ARHGAP44: variants seen among roughly 807,000 people sequenced by gnomAD.
ARHGAP44 encodes Rho GTPase activating protein 44.
In ARHGAP44, 43 loss-of-function variants were observed where a neutral mutation model predicts 106.8. That is an observed-to-expected ratio of 0.40 (90% CI 0.32 to 0.52). ARHGAP44 has a LOEUF of 0.52. ARHGAP44 is among the 20% of genes least tolerant of loss of function. ARHGAP44 has a pLI of 0.48. For synonymous variants in ARHGAP44, 439 were observed against 410.3 expected (o/e 1.07, Z -0.85); for missense variants, 866 against 1,050.5 (o/e 0.82, Z 2.43).
intron 3 of ARHGAP44, among the ~76,000 whole-genome samples, chr17:12,897,789 G>A (rs960724340): frequency 1.4e-5 from 2 of 147,016 alleles, no homozygotes; most frequent in Admixed American, 7.1e-5. Flanking sequence ...TTTTGGTATC[G>A]GGAGTATCAT....
intron 7 of ARHGAP44, among the ~76,000 whole-genome samples, chr17:12,937,681 G>C (rs1365004476): frequency 6.6e-6 from 1 of 152,160 alleles, no homozygotes; most frequent in East Asian, 1.9e-4. Flanking sequence ...AAAGCCCCCT[G>C]CGTGCTGGAC....
At chr17:12,814,009 G>A (rs1467834845) in intron 1 of ARHGAP44, among the ~76,000 whole-genome samples, 3 of 152,138 alleles carry the variant, frequency 2.0e-5, no homozygotes, top group Admixed American at 1.3e-4. Flanking sequence ...CCTTTCCTTC[G>A]GGGTTATCGA....
At chr17:12,801,078 A>G (rs1378724058) in intron 1 of ARHGAP44, among the ~76,000 whole-genome samples, 1 of 152,248 alleles carries the variant, frequency 6.6e-6, no homozygotes, top group African/African-American at 2.4e-5. Context: ...AGAAAAGGTA[A>G]GAGAAAGTTC....
In ARHGAP44 at chr17:12,949,682, A is replaced by C. The variant is rs1032347503; in HGVS notation, c.1007A>C (p.Glu336Ala). The part of the protein sequence containing the change: ...ALKSYLRELP[E>A]PLMTFELYDE... ...AAATCTTACCTCCGAGAGTTGCCAG[A>C]ACCTCTTATGACCTTTGAACTCTAT... Residue 336 changes from glutamate (E) to alanine (A), a missense_variant, in exon 12 of 21, where the codon GAA (glutamate) becomes GCA (alanine). Coordinates refer to ENST00000379672, the MANE Select transcript of ARHGAP44 (RefSeq NM_014859.6). The surrounding 1 kb of genome is among the most constrained non-coding windows in gnomAD (Gnocchi z 4.1). 3.7e-6 allele frequency: 6 copies of C among 1,613,656 alleles called. No individual in the cohort carries two copies. Among genetic ancestry groups the C allele is most frequent in the Admixed American group, 3.3e-5 (2 of 59,982 alleles).
chr17:12,841,639 C>CACACACA (rs1555546108), intron 1 of ARHGAP44, among the ~76,000 whole-genome samples: 3 of 137,398 alleles, frequency 2.2e-5, no homozygotes, highest in Admixed American at 7.1e-5. Flanking sequence ...CACACACACA[C>CACACACA]AAACAAACAA....
intron 1 of ARHGAP44, among the ~76,000 whole-genome samples, chr17:12,878,243 C>T (rs897908377): frequency 8.6e-5 from 13 of 150,564 alleles, no homozygotes; most frequent in African/African-American, 2.7e-4. Flanking sequence ...TTTTTCAGAG[C>T]GTCTTATGAA....
At chr17:12,854,002 A>G (rs1325632210) in intron 1 of ARHGAP44, among the ~76,000 whole-genome samples, 1 of 151,968 alleles carries the variant, frequency 6.6e-6, no homozygotes, top group Non-Finnish European at 1.5e-5. Flanking sequence ...ATTCCTTCTC[A>G]GCTGTAGCAG....
At chr17:12,802,927 T>TTA (rs1159214788) in intron 1 of ARHGAP44, among the ~76,000 whole-genome samples, 212 of 29,224 alleles carry the variant, frequency 7.3e-3, no homozygotes, top group Non-Finnish European at 9.6e-3. Context: ...CCTGGCTAAT[T>TTA]TATATATATA....
chr17:12,809,795 T>C (rs1010328881), intron 1 of ARHGAP44, among the ~76,000 whole-genome samples: 2 of 152,134 alleles, frequency 1.3e-5, no homozygotes, highest in African/African-American at 4.8e-5. Context: ...AAAGGAGCCA[T>C]GGAAGGGTTT....
chr17:12,847,512 C>CTT (rs58514182), intron 1 of ARHGAP44, among the ~76,000 whole-genome samples: 13,154 of 125,168 alleles, frequency 0.11, 1,310 homozygotes, highest in African/African-American at 0.21. Context: ...TACCATCACT[C>CTT]TTTTTTTTTT....
chr17:12,918,839 G>A (rs989454568), intron 5 of ARHGAP44, among the ~76,000 whole-genome samples: 3 of 152,018 alleles, frequency 2.0e-5, no homozygotes, highest in East Asian at 1.9e-4. Flanking sequence ...TTGGCAGGGC[G>A]GGAGTTGGGG....
chr17:12,882,339 A>C (rs774251444), intron 1 of ARHGAP44, among the ~76,000 whole-genome samples: 6 of 152,002 alleles, frequency 3.9e-5, no homozygotes, highest in Non-Finnish European at 8.8e-5. Flanking sequence ...CTCAAGTTTT[A>C]TTATTTATAA....
At chr17:12,967,102 T>C (rs1461043151) in intron 16 of ARHGAP44, among the ~76,000 whole-genome samples, 3 of 56,604 alleles carry the variant, frequency 5.3e-5, no homozygotes, top group African/African-American at 2.5e-4. Context: ...TTCTTCCTCA[T>C]TTTTTTTTTT....
At chr17:12,840,109 T>C (rs1487776567) in intron 1 of ARHGAP44, among the ~76,000 whole-genome samples, 2 of 152,218 alleles carry the variant, frequency 1.3e-5, no homozygotes, top group African/African-American at 4.8e-5. Flanking sequence ...ATTAATTCTT[T>C]ATGGTTTAGA....
intron 1 of ARHGAP44, among the ~76,000 whole-genome samples, chr17:12,808,473 T>G (rs1567624328): frequency 6.6e-6 from 1 of 152,230 alleles, no homozygotes; most frequent in Non-Finnish European, 1.5e-5. Context: ...CAAACGTCAG[T>G]TCTTGACTTC....
At chr17:12,856,427 G>A (rs556376327) in intron 1 of ARHGAP44, among the ~76,000 whole-genome samples, 1 of 152,228 alleles carries the variant, frequency 6.6e-6, no homozygotes, top group South Asian at 2.1e-4. Context: ...CCTACAGGTA[G>A]GCTTAGAGCA....
intron 16 of ARHGAP44, among the ~76,000 whole-genome samples, chr17:12,966,298 G>A (rs1040375935): frequency 1.4e-5 from 2 of 139,932 alleles, no homozygotes; most frequent in Non-Finnish European, 3.0e-5. Context: ...CTCCTATTTT[G>A]GTTTAGGGTT....
chr17:12,789,971 C>G, intron 1 of ARHGAP44, 80 bp downstream of exon 1: 1 of 1,332,776 alleles, frequency 7.5e-7, no homozygotes, highest in Non-Finnish European at 1.0e-6. Flanking sequence ...TGGAGCCCGC[C>G]CAGCCTCCAG....
intron 1 of ARHGAP44, among the ~76,000 whole-genome samples, chr17:12,820,818 G>A (rs1191213097): frequency 6.6e-6 from 1 of 152,166 alleles, no homozygotes; most frequent in African/African-American, 2.4e-5. Flanking sequence ...ATTCCAGTGT[G>A]ATAGTTATAG....
Sources: gnomAD v4.1 joint callset for allele counts (sites outside exome capture counted in the v4.1 genomes callset) on GRCh38, gnomAD v4.1.1 for gene constraint, Gnocchi (gnomAD v3.1) non-coding constraint, MANE v1.5 for transcripts, NCBI Gene and HGNC (gene_info 2026-07-23, HGNC 2026-07-21) for gene names.